The following NUDT14 variants were observed in gnomAD, a reference collection of about 807,000 sequenced individuals.
NUDT14 encodes uridine diphosphate glucose pyrophosphatase NUDT14.
In NUDT14, 22 loss-of-function variants were observed where a neutral mutation model predicts 17.5. The ratio of observed to expected loss-of-function variants is 1.26; its 90% CI spans 0.90 to 1.80. The LOEUF is 1.80. Among genes scored for constraint, NUDT14 ranks in the 40% most tolerant of loss-of-function variants. The pLI is 0.00. For synonymous variants in NUDT14, 129 were observed against 125.8 expected (o/e 1.03, Z -0.17); for missense variants, 296 against 295.6 (o/e 1.00, Z -0.01).
intron 3 of NUDT14, 50 bp downstream of exon 3, chr14:105,176,913 G>A (rs1216763335): frequency 6.3e-7 from 1 of 1,588,216 alleles, no homozygotes; most frequent in African/African-American, 1.3e-5. Context: ...AGGACCACAG[G>A]GACCTGAAGG....
At chr14:105,176,375 TG>T (rs1889212467) in intron 4 of NUDT14, 158 bp downstream of exon 4, 3 of 663,506 alleles carry the variant, frequency 4.5e-6, no homozygotes, top group South Asian at 3.7e-5. Flanking sequence ...GATTCTGGCC[TG>T]GCTTAGGAGC....
intron 4 of NUDT14, among the ~76,000 whole-genome samples, chr14:105,174,055 C>T (rs1040757773): frequency 6.6e-6 from 1 of 152,052 alleles, no homozygotes; most frequent in South Asian, 2.1e-4. Flanking sequence ...CACTGACCGC[C>T]CCCCCACCCC....
At position 105,176,577 on chromosome 14, in the gene NUDT14, AG is replaced by A. The variant is rs753903685; in HGVS notation, c.384del (p.Tyr129ThrfsTer20). ...CGCAGATCAGAGGGGGCCAAGTGGT[AG>A]CCACACTCCTCCCAAGCCTCCTTGC... ...VACKEAWEEC[G>X]YHLAPSDLRR... On this transcript the variant is annotated frameshift_variant, in exon 4 of 5. Coordinates refer to ENST00000392568, the MANE Select transcript of NUDT14 (RefSeq NM_177533.5). LOFTEE classifies it low-confidence loss of function (END_TRUNC). The A allele has an allele frequency of 6.2e-7, 1 of 1,612,710 alleles. No homozygotes were observed. Among genetic ancestry groups the A allele is most frequent in the South Asian group, 1.1e-5 (1 of 91,080 alleles).
chr14:105,177,791 G>T, intron 1 of NUDT14, 56 bp from the exon 2 acceptor site: 2 of 1,556,336 alleles, frequency 1.3e-6, no homozygotes, highest in South Asian at 2.2e-5. Context: ...GGTGCTCGGG[G>T]AACCGAGGAG....
intron 4 of NUDT14, 145 bp downstream of exon 4, chr14:105,176,389 A>T (rs1459702450): frequency 2.8e-6 from 2 of 714,020 alleles, no homozygotes; most frequent in Non-Finnish European, 4.8e-6. Context: ...TTAGGAGCTG[A>T]GGCGCATTCG....
Position 105,174,634 on chromosome 14 carries a change from G to A in NUDT14, c.429-1373C>T, listed in dbSNP as rs880404. 2.1e-3 allele frequency among the ~76,000 whole-genome samples: 315 copies of A among 152,248 alleles called. 1 individual carries two copies. The highest frequency in any genetic ancestry group is 7.1e-3 in the African/African-American group (295 of 41,560). On this transcript the variant is annotated intron_variant, in intron 4 of 4. Coordinates refer to ENST00000392568, the MANE Select transcript of NUDT14 (RefSeq NM_177533.5). Reference sequence around the variant, plus strand: ...CCCTTCCTGATGGCCCATTTCCGGCGGCGGCCGCGGCTGCGCCTCTGAGGG... The same window carrying A: ...CCCTTCCTGATGGCCCATTTCCGGCAGCGGCCGCGGCTGCGCCTCTGAGGG...
chr14:105,181,116 G>C lies in NUDT14; in HGVS notation c.81+13C>G. ...CCGGCGGGGGCGCGGGGGACGCGGG[G>C]GCGCGGGCTCACCTGGCGGTAATGC... On this transcript the variant is annotated intron_variant, in intron 1 of 4. Coordinates refer to ENST00000392568, the MANE Select transcript of NUDT14 (RefSeq NM_177533.5). The surrounding 1 kb of genome is among the most constrained non-coding windows in gnomAD (Gnocchi z 5.0). 9.8e-7 allele frequency: 1 copy of C among 1,021,314 alleles called. No individual in the cohort carries two copies. The highest frequency in any genetic ancestry group is 1.2e-6 in the Non-Finnish European group (1 of 841,756). The allele number at this position is 1,021,314 out of a possible 1,614,324, so 63.3% of individuals were successfully genotyped here.
At chr14:105,174,800 C>T (rs1889176915) in intron 4 of NUDT14, among the ~76,000 whole-genome samples, 1 of 152,184 alleles carries the variant, frequency 6.6e-6, no homozygotes, top group Admixed American at 6.5e-5. Flanking sequence ...TCCAACTTCA[C>T]TCCATCACGC....
In NUDT14 at chr14:105,173,584, C is replaced by T. The variant is rs1889151809; in HGVS notation, c.429-323G>A. 1 of 238,092 alleles carries T rather than the reference C, an allele frequency of 4.2e-6. No homozygotes were observed. Among genetic ancestry groups the T allele is most frequent in the African/African-American group, 2.2e-5 (1 of 44,492 alleles). The allele number at this position is 238,092 out of a possible 1,614,324, so 14.7% of individuals were successfully genotyped here. On this transcript the variant is annotated intron_variant, in intron 4 of 4. Transcript: ENST00000392568. This position sits in a 1 kb window ranked among gnomAD's most constrained non-coding sequence, Gnocchi z 4.7. ...GCGGGCATGGCCCGATCACGAAGCC[C>T]TCCAGAGGGTGTTTCAACGCCAGAA...
chr14:105,179,130 G>C (rs587623723), intron 1 of NUDT14, among the ~76,000 whole-genome samples: 2 of 152,262 alleles, frequency 1.3e-5, no homozygotes, highest in East Asian at 3.9e-4. Context: ...AGGTCTCAAG[G>C]ACCCTCTCAG....
At chr14:105,180,361 C>T (rs1003062467) in intron 1 of NUDT14, among the ~76,000 whole-genome samples, 4 of 151,984 alleles carry the variant, frequency 2.6e-5, no homozygotes, top group East Asian at 1.9e-4. Context: ...GCTACTGGGG[C>T]GGGGGCTGAG....
chr14:105,173,733 A>T lies in NUDT14; in HGVS notation c.429-472T>A, dbSNP rs1889154549. 6.5e-6 allele frequency: 1 copy of T among 153,024 alleles called. No homozygotes were observed. The highest frequency in any genetic ancestry group is 1.5e-5 in the Non-Finnish European group (1 of 68,850). The allele number at this position is 153,024 out of a possible 1,614,324, so 9.5% of individuals were successfully genotyped here. A position where few individuals can be genotyped will look rare whatever the true frequency, so the allele number is the denominator to read the frequency against. On this transcript the variant is annotated intron_variant, in intron 4 of 4. Coordinates refer to ENST00000392568, the MANE Select transcript of NUDT14 (RefSeq NM_177533.5). The surrounding 1 kb of genome is among the most constrained non-coding windows in gnomAD (Gnocchi z 4.7). ...GCCACCAGGAGCTGAATTCTGCCAT[A>T]ACCTCGTGAGCCGGGAAGACCCCAA...
At chr14:105,179,273 G>A (rs1387298458) in intron 1 of NUDT14, among the ~76,000 whole-genome samples, 4 of 152,150 alleles carry the variant, frequency 2.6e-5, no homozygotes, top group African/African-American at 7.2e-5. Context: ...TCGGAGCCAC[G>A]GGGGTCCCCT....
rs1198540949 is a variant in NUDT14, at chr14:105,181,266, G to A, written c.-57C>T. On this transcript the variant is annotated 5_prime_UTR_variant, in exon 1 of 5. Transcript: ENST00000392568. The surrounding 1 kb of genome is among the most constrained non-coding windows in gnomAD (Gnocchi z 5.0). ...TCTGCGGGGGCCGACACGGGGCGGC[G>A]CCCTGTCCCGACAGGAGCCTTCGGG... 3.0e-5 allele frequency: 20 copies of A among 677,224 alleles called. No individual in the cohort carries two copies. Among genetic ancestry groups the A allele is most frequent in the Admixed American group, 5.6e-5 (1 of 17,858 alleles). The allele number at this position is 677,224 out of a possible 1,614,324, so 42.0% of individuals were successfully genotyped here. A position where few individuals can be genotyped will look rare whatever the true frequency, so the allele number is the denominator to read the frequency against.
In NUDT14 at chr14:105,173,311, C is replaced by A. The variant is rs1228748134; in HGVS notation, c.429-50G>T. 2.1e-5 allele frequency: 30 copies of A among 1,449,056 alleles called. No homozygotes were observed. Among genetic ancestry groups the A allele is most frequent in the Non-Finnish European group, 2.7e-5 (30 of 1,101,278 alleles). 89.8% of individuals were successfully genotyped at this position (1,449,056 alleles called of 1,614,324 possible). A position where few individuals can be genotyped will look rare whatever the true frequency, so the allele number is the denominator to read the frequency against. Reference sequence around the variant, plus strand: ...GAGTCACCCACGCTGGCCCCGCTGGCCCCCTGGCCCTTCTACCACCCTCCA... The same window carrying A: ...GAGTCACCCACGCTGGCCCCGCTGGACCCCTGGCCCTTCTACCACCCTCCA... On this transcript the variant is annotated intron_variant, in intron 4 of 4. Coordinates refer to ENST00000392568, the MANE Select transcript of NUDT14 (RefSeq NM_177533.5). The surrounding 1 kb of genome is among the most constrained non-coding windows in gnomAD (Gnocchi z 4.7).
Position 105,173,261 on chromosome 14 carries a change from C to A in NUDT14, c.429G>T (p.Trp143Cys). Residue 143 changes from tryptophan to cysteine, a missense_variant and splice_region_variant, in exon 5 of 5, where the codon TGG becomes TGT. Trp to Cys is a radical substitution (Grantham distance 215, BLOSUM62 -2). Coordinates refer to ENST00000392568, the MANE Select transcript of NUDT14 (RefSeq NM_177533.5). This position sits in a 1 kb window ranked among gnomAD's most constrained non-coding sequence, Gnocchi z 4.7. ...PSDLRRVATY[W>C]SGVGLTGSRQ... Reference sequence around the variant, plus strand: ...TGGAGCCAGTCAGTCCCACTCCAGACCTACGGGTTGAGACAGGGTCTGCTG... The same window carrying A: ...TGGAGCCAGTCAGTCCCACTCCAGAACTACGGGTTGAGACAGGGTCTGCTG... 1 of 1,531,400 alleles carries A rather than the reference C, an allele frequency of 6.5e-7. No individual in the cohort carries two copies. Among genetic ancestry groups the A allele is most frequent in the Non-Finnish European group, 8.8e-7 (1 of 1,139,934 alleles). The allele number at this position is 1,531,400 out of a possible 1,614,324, so 94.9% of individuals were successfully genotyped here.
intron 4 of NUDT14, among the ~76,000 whole-genome samples, chr14:105,174,368 CA>C (rs1425349769): frequency 6.6e-5 from 10 of 151,836 alleles, no homozygotes; most frequent in Non-Finnish European, 7.4e-5. Context: ...GGAAGATGAC[CA>C]GGGGGTGGGG....
intron 4 of NUDT14, chr14:105,175,505 G>A (rs1250970690): frequency 6.4e-6 from 1 of 156,074 alleles, no homozygotes; most frequent in Non-Finnish European, 1.4e-5. Flanking sequence ...GGGTTCAAGC[G>A]ATTCTCCTGC....
At chr14:105,174,067 C>T (rs587611306) in intron 4 of NUDT14, among the ~76,000 whole-genome samples, 26 of 152,098 alleles carry the variant, frequency 1.7e-4, no homozygotes, top group South Asian at 4.1e-4. Flanking sequence ...CCCCACCCCC[C>T]GTAGCATGGC....
Sources: gnomAD v4.1 joint callset for allele counts (sites outside exome capture counted in the v4.1 genomes callset) on GRCh38, gnomAD v4.1.1 for gene constraint, Gnocchi (gnomAD v3.1) non-coding constraint, MANE v1.5 for transcripts, NCBI Gene and HGNC (gene_info 2026-07-23, HGNC 2026-07-21) for gene names.